IDE: variants seen among roughly 807,000 people sequenced by gnomAD.
The protein encoded by IDE is insulin-degrading enzyme.
IDE carries 58 observed loss-of-function variants against 133.2 expected under a neutral mutation model. The ratio of observed to expected loss-of-function variants is 0.44; its 90% CI spans 0.35 to 0.54. The LOEUF (loss-of-function observed/expected upper bound fraction) is 0.54, where lower values mean the gene tolerates loss of function less well. Among genes scored for constraint, IDE ranks in the 20% least tolerant of loss-of-function variants. IDE has a pLI of 0.00. For missense variants in IDE, 981 were observed against 1,234.0 expected (o/e 0.79, Z 3.07); for synonymous variants, 396 against 421.3 (o/e 0.94, Z 0.73).
intron 15 of IDE, chr10:92,478,594 C>A: frequency 9.6e-7 from 1 of 1,041,960 alleles, no homozygotes. Flanking sequence ...CCAAGCTCAA[C>A]ATAATGCTTA....
At chr10:92,495,283 C>T (rs1324854270) in intron 11 of IDE, among the ~76,000 whole-genome samples, 5 of 147,318 alleles carry the variant, frequency 3.4e-5, no homozygotes, top group African/African-American at 7.6e-5. Context: ...TGCAGTGGCG[C>T]GATCTTGGCT....
intron 11 of IDE, 30 bp from the exon 12 acceptor site, chr10:92,490,625 C>G (rs550796593): frequency 7.8e-7 from 1 of 1,275,334 alleles, no homozygotes; most frequent in African/African-American, 1.5e-5. Context: ...ACAAAAAAAC[C>G]CTGTAAACTC....
intron 1 of IDE, among the ~76,000 whole-genome samples, chr10:92,540,462 GGGCAGTGTTAAAAC>G (rs1178827748): frequency 1.3e-5 from 2 of 152,138 alleles, no homozygotes; most frequent in African/African-American, 4.8e-5. Context: ...CCAGCAAGAA[GGGCAGTGTTAAAAC>G]GGCAGTGTTA....
intron 17 of IDE, among the ~76,000 whole-genome samples, chr10:92,472,592 G>A (rs113179017): frequency 2.6e-4 from 39 of 151,224 alleles, no homozygotes; most frequent in East Asian, 1.4e-3. Flanking sequence ...ATAGTGTTAC[G>A]TAAGTATAAG....
chr10:92,485,578 C>T (rs1179517924), intron 13 of IDE, among the ~76,000 whole-genome samples: 1 of 152,154 alleles, frequency 6.6e-6, no homozygotes, highest in Middle Eastern at 3.2e-3. Context: ...TTGAAACTAC[C>T]TTGAAACTCT....
At chr10:92,487,352 G>C in intron 12 of IDE, 34 bp from the exon 13 acceptor site, 1 of 1,590,574 alleles carries the variant, frequency 6.3e-7, no homozygotes, top group Non-Finnish European at 8.6e-7. Flanking sequence ...AATGCAGTAA[G>C]AGTCTGATTT....
rs542932140 is a variant in IDE, at chr10:92,485,505, AAAT to A, written c.1656+1688_1656+1690del. 1.1e-4 allele frequency among the ~76,000 whole-genome samples: 16 copies of A among 152,304 alleles called. No homozygotes were observed. In the East Asian group the frequency reaches 3.1e-3, roughly 29 times the overall value. ...ATAACCAACATGGCCAAGGATGAAC[AAAT>A]AAGCTACTTATCTTGCCTCTCCACT... On this transcript the variant is annotated intron_variant, in intron 13 of 24. Transcript: ENST00000265986.
intron 1 of IDE, among the ~76,000 whole-genome samples, chr10:92,556,197 A>AAAG (rs1554852498): frequency 5.3e-5 from 8 of 151,084 alleles, no homozygotes; most frequent in South Asian, 2.1e-4. Context: ...AAAAAAAAAA[A>AAAG]AAAGAAAGAA....
chr10:92,566,140 G>C (rs1843534323), intron 1 of IDE, among the ~76,000 whole-genome samples: 1 of 149,776 alleles, frequency 6.7e-6, no homozygotes, highest in Admixed American at 6.7e-5. Context: ...TGGACTGCTT[G>C]AACCGAGGAG....
At chr10:92,458,509 T>TTG in intron 22 of IDE, among the ~76,000 whole-genome samples, 1 of 114,388 alleles carries the variant, frequency 8.7e-6, no homozygotes, top group Admixed American at 9.0e-5. Context: ...TTTTTTTTTT[T>TTG]TTTTTTTTTT....
chr10:92,466,645 T>C (rs1308239205), intron 19 of IDE, among the ~76,000 whole-genome samples: 5 of 140,788 alleles, frequency 3.6e-5, no homozygotes, highest in Non-Finnish European at 7.6e-5. Flanking sequence ...TGAGACGGAG[T>C]CTGGCTCTGT....
chr10:92,573,616 T>G (rs1843900046), intron 1 of IDE, among the ~76,000 whole-genome samples: 1 of 152,068 alleles, frequency 6.6e-6, no homozygotes, highest in Non-Finnish European at 1.5e-5. Flanking sequence ...GCCGGGTGAC[T>G]CTGTCCGCCC....
chr10:92,532,253 T>C (rs1428001654), intron 3 of IDE, among the ~76,000 whole-genome samples: 2 of 147,736 alleles, frequency 1.4e-5, no homozygotes, highest in Admixed American at 6.7e-5. Context: ...CTTTGTTACA[T>C]GTGGCTAATG....
chr10:92,564,671 CAAAAAAAAAAAAAAAA>C (rs532861372), intron 1 of IDE, among the ~76,000 whole-genome samples: 14 of 31,584 alleles, frequency 4.4e-4, no homozygotes, highest in South Asian at 9.9e-4. Flanking sequence ...GAGACTGTCT[CAAAAAAAAAAAAAAAA>C]AAAAAAAAAA....
intron 11 of IDE, among the ~76,000 whole-genome samples, chr10:92,499,681 T>A (rs1472045479): frequency 6.6e-6 from 1 of 152,184 alleles, no homozygotes; most frequent in Non-Finnish European, 1.5e-5. Flanking sequence ...ATCCTCCCTC[T>A]ATGCCTCCCA....
intron 6 of IDE, 108 bp downstream of exon 6, chr10:92,509,942 C>T: frequency 2.5e-6 from 1 of 405,328 alleles, no homozygotes; most frequent in Non-Finnish European, 4.3e-6. Context: ...AAAAAAAACA[C>T]AACATAAATA....
chr10:92,537,517 A>G lies in IDE; in HGVS notation c.132T>C (p.Asn44=), dbSNP rs781755985. The change falls in exon 2 of 25, where the codon AAT becomes AAC. Residue 44 remains asparagine, a synonymous_variant. Coordinates refer to ENST00000265986, the MANE Select transcript of IDE (RefSeq NM_004969.4). ...GATTTCCTATTCTCTTGATGGCTGG[A>G]TTATTCATTTTGCTGTAAGTCTTTT... ...FQKKTYSKMN[N]PAIKRIGNHI... 1.9e-6 allele frequency: 3 copies of G among 1,601,610 alleles called. No homozygotes were observed. In the African/African-American group the frequency reaches 4.0e-5, roughly 22 times the overall value.
chr10:92,491,648 C>T (rs1589415594), intron 11 of IDE, among the ~76,000 whole-genome samples: 2 of 149,348 alleles, frequency 1.3e-5, no homozygotes, highest in South Asian at 2.1e-4. Flanking sequence ...TTTGCTCTTG[C>T]CACCCAGGCT....
rs151217182 is a variant in IDE, at chr10:92,551,370, C to A, written c.99-13820G>T. 5.2e-3 allele frequency among the ~76,000 whole-genome samples: 795 copies of A among 151,912 alleles called. 11 individuals are homozygous for A. The highest frequency in any genetic ancestry group is 0.031 in the Middle Eastern group (9 of 292). ...GGATCAGGAGGTCAAGAGATCGAGACCATCCTGGCCAACACGGTGAAACCC... is the reference window on the plus strand; with the variant it reads ...GGATCAGGAGGTCAAGAGATCGAGAACATCCTGGCCAACACGGTGAAACCC... On this transcript the variant is annotated intron_variant, in intron 1 of 24. Coordinates refer to ENST00000265986, the MANE Select transcript of IDE (RefSeq NM_004969.4).
Sources: allele counts gnomAD v4.1 joint callset (sites outside exome capture counted in the v4.1 genomes callset), GRCh38; gene constraint gnomAD v4.1.1; transcripts MANE v1.5; gene names NCBI Gene and HGNC (gene_info 2026-07-23, HGNC 2026-07-21).